CCDC91: variants seen among roughly 807,000 people sequenced by gnomAD.
CCDC91 encodes the protein coiled-coil domain containing 91, also known as coiled-coil domain-containing protein 91.
CCDC91 carries 48 observed loss-of-function variants against 63.2 expected under a neutral mutation model. The ratio of observed to expected loss-of-function variants is 0.76; its 90% CI spans 0.60 to 0.97. CCDC91 has a LOEUF of 0.97. Among genes scored for constraint, CCDC91 ranks in the 50% least tolerant of loss-of-function variants. The pLI is 0.00. For missense variants in CCDC91, 500 were observed against 494.6 expected, an observed-to-expected ratio of 1.01 and a Z score of -0.10; for synonymous variants, 167 against 165.8, an observed-to-expected ratio of 1.01 and a Z score of -0.06.
At chr12:28,210,796 A>C (rs1369732672) in intron 1 of CCDC91, among the ~76,000 whole-genome samples, 1 of 152,052 alleles carries the variant, frequency 6.6e-6, no homozygotes, top group African/African-American at 2.4e-5. Flanking sequence ...AATATCAAGC[A>C]GAAAGTACTC....
intron 1 of CCDC91, among the ~76,000 whole-genome samples, chr12:28,254,570 A>C (rs1946319456): frequency 6.6e-6 from 1 of 152,162 alleles, no homozygotes; most frequent in South Asian, 2.1e-4. Flanking sequence ...TATTTTTACA[A>C]GTCAATGCTG....
At chr12:28,493,696 A>G (rs1952131343) in intron 12 of CCDC91, among the ~76,000 whole-genome samples, 1 of 151,794 alleles carries the variant, frequency 6.6e-6, no homozygotes, top group Non-Finnish European at 1.5e-5. Flanking sequence ...TTCTTCTTCC[A>G]TACTTACATA....
intron 6 of CCDC91, among the ~76,000 whole-genome samples, chr12:28,339,710 C>T (rs1206701944): frequency 6.6e-6 from 1 of 152,008 alleles, no homozygotes; most frequent in Non-Finnish European, 1.5e-5. Flanking sequence ...TGGTATTTGC[C>T]TGGGATCTGG....
intron 8 of CCDC91, among the ~76,000 whole-genome samples, chr12:28,443,365 T>A (rs766767927): frequency 1.2e-4 from 18 of 152,002 alleles, no homozygotes; most frequent in Admixed American, 3.9e-4. Context: ...TCAACAGACT[T>A]CTGAACAGCA....
intron 6 of CCDC91, among the ~76,000 whole-genome samples, chr12:28,323,698 A>G (rs550860308): frequency 3.9e-4 from 59 of 152,082 alleles, no homozygotes; most frequent in Middle Eastern, 3.4e-3. Flanking sequence ...CAAAATTGAC[A>G]TTATTCTCTA....
chr12:28,352,427 T>C (rs1420592090), intron 6 of CCDC91, among the ~76,000 whole-genome samples: 1 of 152,206 alleles, frequency 6.6e-6, no homozygotes, highest in Non-Finnish European at 1.5e-5. Flanking sequence ...GTTCTCTCAA[T>C]TCCTGCCACT....
intron 7 of CCDC91, among the ~76,000 whole-genome samples, chr12:28,381,888 G>T (rs991744578): frequency 6.6e-6 from 1 of 152,084 alleles, no homozygotes; most frequent in East Asian, 1.9e-4. Context: ...CACAGTCAAG[G>T]TGGAGCTTGG....
At chr12:28,504,170 T>C (rs1207868836) in intron 12 of CCDC91, among the ~76,000 whole-genome samples, 1 of 151,716 alleles carries the variant, frequency 6.6e-6, no homozygotes, top group Non-Finnish European at 1.5e-5. Flanking sequence ...AATTTGTAAT[T>C]ACAGTTTAAA....
chr12:28,303,520 A>G (rs1454985293), intron 3 of CCDC91, among the ~76,000 whole-genome samples: 1 of 152,184 alleles, frequency 6.6e-6, no homozygotes, highest in African/African-American at 2.4e-5. Context: ...TCTTATGCCT[A>G]TAAATATGAG....
chr12:28,262,550 A>G (rs1946896496), intron 3 of CCDC91, among the ~76,000 whole-genome samples: 2 of 152,020 alleles, frequency 1.3e-5, no homozygotes, highest in South Asian at 2.1e-4. Flanking sequence ...AGTTCTGTCA[A>G]TGGGTTGAGG....
rs375722489 is a variant in CCDC91 at position 28,406,810 on chromosome 12, A to ATTTT, written c.762+15405_762+15408dup. On this transcript the variant is annotated intron_variant, in intron 8 of 12. Coordinates refer to ENST00000536442, the MANE Select transcript of CCDC91 (RefSeq NM_018318.5). ...TTATATATGGTATCAGATTTTAACT[A>ATTTT]TTTTTTTTTGAATATCAATACCCAA... 1.7e-3 allele frequency among the ~76,000 whole-genome samples: 245 copies of ATTTT among 148,200 alleles called. 4 individuals are homozygous for ATTTT. The highest frequency in any genetic ancestry group is 5.3e-3 in the African/African-American group (216 of 41,052).
chr12:28,420,830 T>C (rs1947959942), intron 8 of CCDC91, among the ~76,000 whole-genome samples: 1 of 152,022 alleles, frequency 6.6e-6, no homozygotes. Context: ...TTATTTTCAA[T>C]ATCTGACATT....
chr12:28,459,996 A>G (rs927927204), intron 11 of CCDC91, among the ~76,000 whole-genome samples: 5 of 152,128 alleles, frequency 3.3e-5, no homozygotes, highest in Admixed American at 1.3e-4. Flanking sequence ...ATTTACATAT[A>G]GGTACTTGTT....
intron 7 of CCDC91, among the ~76,000 whole-genome samples, chr12:28,378,309 C>T (rs1166279382): frequency 3.9e-5 from 6 of 152,052 alleles, no homozygotes; most frequent in Non-Finnish European, 8.8e-5. Context: ...ATGTCACATG[C>T]CAGCTTGAGT....
At chr12:28,349,804 A>G (rs1592387153) in intron 6 of CCDC91, among the ~76,000 whole-genome samples, 1 of 152,096 alleles carries the variant, frequency 6.6e-6, no homozygotes, top group African/African-American at 2.4e-5. Context: ...GACCTTCTGT[A>G]TTCCCCGCTT....
chr12:28,265,222 G>A (rs939350003), intron 3 of CCDC91, among the ~76,000 whole-genome samples: 6 of 151,994 alleles, frequency 3.9e-5, no homozygotes, highest in African/African-American at 1.4e-4. Context: ...ATGTTTCTAA[G>A]TTCCTTGTAG....
At chr12:28,321,151 A>C (rs1476948669) in intron 6 of CCDC91, among the ~76,000 whole-genome samples, 2 of 151,744 alleles carry the variant, frequency 1.3e-5, no homozygotes. Context: ...GTTCATTGCT[A>C]CTTCATCTTT....
At chr12:28,495,394 A>T (rs1420868667) in intron 12 of CCDC91, among the ~76,000 whole-genome samples, 3 of 151,634 alleles carry the variant, frequency 2.0e-5, no homozygotes, top group Non-Finnish European at 4.4e-5. Flanking sequence ...CATATGATTC[A>T]TCTGATCAAG....
intron 6 of CCDC91, among the ~76,000 whole-genome samples, chr12:28,329,795 G>A (rs1208499737): frequency 1.3e-5 from 2 of 152,062 alleles, no homozygotes; most frequent in Non-Finnish European, 2.9e-5. Flanking sequence ...GCCCCAGTAT[G>A]TGATGTTCCC....
Sources: gnomAD v4.1 joint callset for allele counts (sites outside exome capture counted in the v4.1 genomes callset) on GRCh38, gnomAD v4.1.1 for gene constraint, MANE v1.5 for transcripts, NCBI Gene and HGNC (gene_info 2026-07-23, HGNC 2026-07-21) for gene names.